BAZ2B: variants seen among roughly 807,000 people sequenced by gnomAD.
BAZ2B encodes the protein bromodomain adjacent to zinc finger domain 2B.
A neutral mutation model predicts 246.0 loss-of-function variants in BAZ2B; 91 were observed. The observed-to-expected ratio is 0.37, with a 90% CI of 0.31 to 0.44. The LOEUF is 0.44. BAZ2B is among the 20% of genes least tolerant of loss of function. BAZ2B has a pLI of 1.00. For missense variants in BAZ2B, 2,332 were observed against 2,533.7 expected (o/e 0.92, Z 1.71); for synonymous variants, 855 against 860.0 (o/e 0.99, Z 0.10).
the BAZ2B span, among the ~76,000 whole-genome samples, chr2:159,701,643 AAT>A: frequency 6.8e-6 from 1 of 147,974 alleles, no homozygotes; most frequent in Non-Finnish European, 1.5e-5. Context: ...ATGTATATAT[AAT>A]ATATATTTTT....
intron 6 of BAZ2B, chr2:159,444,358 C>G (rs926214226): frequency 2.6e-5 from 4 of 152,096 alleles, no homozygotes; most frequent in Non-Finnish European, 5.9e-5. Context: ...ATGTACAGTA[C>G]TTTTGCATTT....
chr2:159,554,506 T>G (rs2151462517), intron 2 of BAZ2B, among the ~76,000 whole-genome samples: 1 of 152,100 alleles, frequency 6.6e-6, no homozygotes, highest in African/African-American at 2.4e-5. Context: ...CTATAAGCAT[T>G]AGTAGACAAA....
At chr2:159,318,837 C>T (rs1365756237), downstream of BAZ2B, 6 of 152,172 alleles carry the variant, frequency 3.9e-5, no homozygotes, top group Non-Finnish European at 8.8e-5. Flanking sequence ...GACTTAAACT[C>T]ACCCTCTTCC....
chr2:159,376,167 A>C (rs1246324263), intron 25 of BAZ2B, among the ~76,000 whole-genome samples: 1 of 152,186 alleles, frequency 6.6e-6, no homozygotes, highest in African/African-American at 2.4e-5. Context: ...TCATCTGTAA[A>C]TTTGGTGATA....
rs1247175642 is a variant in BAZ2B at position 159,446,720 on chromosome 2, C to T, written c.696+62G>A. On this transcript the variant is annotated intron_variant, in intron 6 of 36. Transcript: ENST00000392783. ...AAACCATAGATTCTGTTGATTTGACCTTCAGAATGCTCATCTTATATATAG... is the reference window on the plus strand; with the variant it reads ...AAACCATAGATTCTGTTGATTTGACTTTCAGAATGCTCATCTTATATATAG... The T allele has an allele frequency of 1.1e-5, 15 of 1,404,514 alleles. No homozygotes were observed. The East Asian group carries it at 3.6e-4, about 34-fold the overall frequency. The allele number at this position is 1,404,514 out of a possible 1,614,324, so 87.0% of individuals were successfully genotyped here.
intron 31 of BAZ2B, among the ~76,000 whole-genome samples, chr2:159,345,078 G>C (rs933974301): frequency 6.6e-6 from 1 of 151,480 alleles, no homozygotes; most frequent in South Asian, 2.1e-4. Context: ...GGCTTGGTGG[G>C]GCATGCCTGT....
rs17495736 is a variant in BAZ2B at position 159,545,980 on chromosome 2, C to T, written c.-3+9843G>A. The stretch of plus-strand genomic sequence containing the variant: ...TCAAATACAATACCAAAACAATTTC[C>T]AAATATGCACATAAAAGCTATGAAT... On this transcript the variant is annotated intron_variant, in intron 2 of 36. Coordinates refer to ENST00000392783, the MANE Select transcript of BAZ2B (RefSeq NM_013450.4). Among the ~76,000 whole-genome samples the T allele has an allele frequency of 5.3e-3, 809 of 152,256 alleles. 3 individuals are homozygous for T. The highest frequency in any genetic ancestry group is 0.029 in the South Asian group (140 of 4,824).
Position 159,475,144 on chromosome 2 carries a change from G to C in BAZ2B, c.145+3431C>G, listed in dbSNP as rs773377687. ...ATTCTCCCGGGTAATATCCTGAAGAGTGTTTTCCAACTTGGTTCCGTTCTC... is the reference window on the plus strand; with the variant it reads ...ATTCTCCCGGGTAATATCCTGAAGACTGTTTTCCAACTTGGTTCCGTTCTC... On this transcript the variant is annotated intron_variant, in intron 3 of 36. Coordinates refer to ENST00000392783, the MANE Select transcript of BAZ2B (RefSeq NM_013450.4). 2.8e-4 allele frequency among the ~76,000 whole-genome samples: 42 copies of C among 152,310 alleles called. 1 individual carries two copies. Among genetic ancestry groups the C allele is most frequent in the Admixed American group, 1.0e-3 (16 of 15,296 alleles).
chr2:159,350,718 G>A (rs1356443576), intron 27 of BAZ2B, among the ~76,000 whole-genome samples: 1 of 152,052 alleles, frequency 6.6e-6, no homozygotes, highest in Non-Finnish European at 1.5e-5. Flanking sequence ...TTACAAAGGT[G>A]CACCACCATG....
intron 2 of BAZ2B, among the ~76,000 whole-genome samples, chr2:159,535,633 AG>A (rs1202990243): frequency 2.0e-5 from 3 of 152,250 alleles, no homozygotes; most frequent in African/African-American, 7.2e-5. Flanking sequence ...AAATGATCAC[AG>A]TATAGTACTT....
chr2:159,549,540 T>C (rs185916245), intron 2 of BAZ2B, among the ~76,000 whole-genome samples: 2 of 152,216 alleles, frequency 1.3e-5, no homozygotes, highest in East Asian at 3.9e-4. Context: ...CTACACTGGA[T>C]GAAGAGGGAT....
chr2:159,565,962 A>C (rs1463843803), intron 1 of BAZ2B, among the ~76,000 whole-genome samples: 1 of 152,176 alleles, frequency 6.6e-6, no homozygotes, highest in Non-Finnish European at 1.5e-5. Flanking sequence ...TTTAGAAACA[A>C]TACTATTTGG....
intron 13 of BAZ2B, among the ~76,000 whole-genome samples, chr2:159,415,814 C>T (rs555241474): frequency 6.6e-5 from 10 of 152,254 alleles, no homozygotes; most frequent in Admixed American, 2.6e-4. Context: ...CTAAATTGTA[C>T]GTGATTATGG....
chr2:159,477,401 G>A (rs2078723916), intron 3 of BAZ2B, among the ~76,000 whole-genome samples: 1 of 151,624 alleles, frequency 6.6e-6, no homozygotes, highest in South Asian at 2.1e-4. Flanking sequence ...TAGTTATTTT[G>A]TAATCCCTAA....
intron 1 of BAZ2B, among the ~76,000 whole-genome samples, chr2:159,559,452 A>T (rs977006748): frequency 1.3e-5 from 2 of 152,234 alleles, no homozygotes; most frequent in Non-Finnish European, 2.9e-5. Context: ...AGGTATTAAA[A>T]CTATTGTAAA....
intron 2 of BAZ2B, among the ~76,000 whole-genome samples, chr2:159,528,508 C>A (rs2084997056): frequency 6.6e-6 from 1 of 151,850 alleles, no homozygotes; most frequent in Non-Finnish European, 1.5e-5. Flanking sequence ...CATGGTGAAA[C>A]CCCATTTCTA....
chr2:159,346,709 C>A (rs1415292128), intron 31 of BAZ2B, among the ~76,000 whole-genome samples: 1 of 151,934 alleles, frequency 6.6e-6, no homozygotes, highest in Non-Finnish European at 1.5e-5. Context: ...AACAAAAAAA[C>A]AAAAAACCCC....
intron 2 of BAZ2B, among the ~76,000 whole-genome samples, chr2:159,503,575 T>TTTTA (rs1192353329): frequency 2.6e-5 from 4 of 152,228 alleles, no homozygotes; most frequent in South Asian, 2.1e-4. Flanking sequence ...CCTTCTTCTT[T>TTTTA]TTTATTTATT....
intron 1 of BAZ2B, among the ~76,000 whole-genome samples, chr2:159,578,426 T>C (rs1203682997): frequency 7.4e-6 from 1 of 134,834 alleles, no homozygotes; most frequent in African/African-American, 4.0e-5. Context: ...AAAATACTTC[T>C]GTATAACCCA....
Sources: gnomAD v4.1 joint callset for allele counts (sites outside exome capture counted in the v4.1 genomes callset) on GRCh38, gnomAD v4.1.1 for gene constraint, MANE v1.5 for transcripts, NCBI Gene and HGNC (gene_info 2026-07-23, HGNC 2026-07-21) for gene names.